Variants in LUZP2 observed in about 807,000 individuals in gnomAD.
LUZP2 encodes the protein leucine zipper protein 2.
Under a neutral mutation model 51.6 loss-of-function variants are expected in LUZP2, and 52 were observed. That is an observed-to-expected ratio of 1.01 (90% confidence interval 0.81 to 1.27). The LOEUF is 1.27. Among genes scored for constraint, LUZP2 ranks in the 50% most tolerant of loss-of-function variants. The probability of loss-of-function intolerance (pLI) is 0.00; values close to 1 mark genes in which losing one functional copy is unlikely to be tolerated. For missense variants in LUZP2, 436 were observed against 395.4 expected (o/e 1.10, Z -0.87); for synonymous variants, 154 against 137.3 (o/e 1.12, Z -0.85).
At chr11:24,804,010 A>G (rs992352067) in intron 5 of LUZP2, among the ~76,000 whole-genome samples, 1 of 151,736 alleles carries the variant, frequency 6.6e-6, no homozygotes, top group African/African-American at 2.4e-5. Flanking sequence ...AAAAAAAAAA[A>G]AAAAACTAGG....
At position 24,805,448 on chromosome 11, in the gene LUZP2, C is replaced by A. The variant is rs1434932125; in HGVS notation, c.396+42140C>A. Among the ~76,000 whole-genome samples, 6 of 152,224 alleles carry A rather than the reference C, an allele frequency of 3.9e-5. No homozygotes were observed. In the East Asian group the frequency reaches 1.2e-3, roughly 29 times the overall value. On this transcript the variant is annotated intron_variant, in intron 5 of 11. Coordinates refer to ENST00000336930, the MANE Select transcript of LUZP2 (RefSeq NM_001009909.4). ...CACGCTGGTCTCAAACTCCTGACAT[C>A]AAGTGATCTGCCTGCCTCAGTCATT...
At chr11:24,719,672 T>C (rs1348869642) in intron 1 of LUZP2, among the ~76,000 whole-genome samples, 1 of 152,224 alleles carries the variant, frequency 6.6e-6, no homozygotes, top group Non-Finnish European at 1.5e-5. Context: ...GCTTTTCCCA[T>C]CAAGAAGTGA....
chr11:24,874,547 C>T (rs778785175), intron 5 of LUZP2, among the ~76,000 whole-genome samples: 63 of 152,060 alleles, frequency 4.1e-4, no homozygotes, highest in South Asian at 4.2e-4. Flanking sequence ...ATGTTGACCT[C>T]GGCCTGTACT....
chr11:24,813,210 C>T (rs1000586287), intron 5 of LUZP2, among the ~76,000 whole-genome samples: 2 of 152,166 alleles, frequency 1.3e-5, no homozygotes, highest in African/African-American at 4.8e-5. Flanking sequence ...CCTCAGTATG[C>T]ACAGAATACA....
intron 5 of LUZP2, among the ~76,000 whole-genome samples, chr11:24,785,321 A>G (rs542526599): frequency 6.6e-6 from 1 of 152,216 alleles, no homozygotes; most frequent in South Asian, 2.1e-4. Flanking sequence ...AGGAAAGAAG[A>G]AACTAACAAT....
At chr11:24,882,116 T>C (rs1389807505) in intron 5 of LUZP2, among the ~76,000 whole-genome samples, 1 of 152,014 alleles carries the variant, frequency 6.6e-6, no homozygotes, top group African/African-American at 2.4e-5. Context: ...AAAAATATTT[T>C]TATTAATACC....
chr11:24,519,907 G>A (rs988002447), intron 1 of LUZP2, among the ~76,000 whole-genome samples: 12 of 152,284 alleles, frequency 7.9e-5, no homozygotes, highest in Admixed American at 5.2e-4. Flanking sequence ...TGACAGCACA[G>A]TACCTTTGTT....
At chr11:24,531,744 G>A (rs2133825492) in intron 1 of LUZP2, among the ~76,000 whole-genome samples, 1 of 150,914 alleles carries the variant, frequency 6.6e-6, no homozygotes, top group African/African-American at 2.4e-5. Flanking sequence ...TCTCAACTTG[G>A]ATGCCCAAGA....
At chr11:24,638,917 GA>G (rs759853122) in intron 1 of LUZP2, among the ~76,000 whole-genome samples, 1 of 150,928 alleles carries the variant, frequency 6.6e-6, no homozygotes, top group African/African-American at 2.4e-5. Flanking sequence ...AATTTTCCCA[GA>G]AAAAAATATT....
chr11:24,536,614 AT>A (rs1851188957), intron 1 of LUZP2, among the ~76,000 whole-genome samples: 1 of 151,848 alleles, frequency 6.6e-6, no homozygotes, highest in South Asian at 2.1e-4. Context: ...TATGGATTAG[AT>A]TTTGATTTAA....
intron 1 of LUZP2, among the ~76,000 whole-genome samples, chr11:24,619,008 ATTTATTTAT>A (rs1333364667): frequency 2.0e-4 from 15 of 76,872 alleles, no homozygotes; most frequent in Admixed American, 7.7e-4. Flanking sequence ...ACTTAGCATT[ATTTATTTAT>A]TTATTTATTT....
chr11:24,622,574 A>G (rs1854536485), intron 1 of LUZP2, among the ~76,000 whole-genome samples: 1 of 152,136 alleles, frequency 6.6e-6, no homozygotes, highest in South Asian at 2.1e-4. Flanking sequence ...TATCACAATG[A>G]TAATCTCAGG....
At chr11:24,554,490 A>T (rs555839681) in intron 1 of LUZP2, among the ~76,000 whole-genome samples, 1 of 152,058 alleles carries the variant, frequency 6.6e-6, no homozygotes, top group African/African-American at 2.4e-5. Context: ...AAGAAAGTTA[A>T]TTTTTTGCCA....
At chr11:25,054,472 T>A (rs1323511496) in intron 10 of LUZP2, among the ~76,000 whole-genome samples, 3 of 152,186 alleles carry the variant, frequency 2.0e-5, no homozygotes, top group Non-Finnish European at 4.4e-5. Flanking sequence ...TAGATCAATA[T>A]TCTTCAATTT....
rs560478157 is a variant in LUZP2 at position 24,908,678 on chromosome 11, T to A, written c.459+2625T>A. On this transcript the variant is annotated intron_variant, in intron 6 of 11. Coordinates refer to ENST00000336930, the MANE Select transcript of LUZP2 (RefSeq NM_001009909.4). ...TATTATAAAAAAGAGATGTACCCAC[T>A]CAGAATGCATTTATTCTTTGCATAA... Among the ~76,000 whole-genome samples, 5 of 152,216 alleles carry A rather than the reference T, an allele frequency of 3.3e-5. No homozygotes were observed. In the South Asian group the frequency reaches 1.0e-3, roughly 32 times the overall value.
chr11:24,813,631 C>G (rs1242170029), intron 5 of LUZP2, among the ~76,000 whole-genome samples: 1 of 152,174 alleles, frequency 6.6e-6, no homozygotes, highest in African/African-American at 2.4e-5. Context: ...GGATCCATCC[C>G]CATGATCCAA....
intron 5 of LUZP2, among the ~76,000 whole-genome samples, chr11:24,901,201 T>C (rs530021734): frequency 1.3e-5 from 2 of 152,270 alleles, no homozygotes; most frequent in South Asian, 2.1e-4. Context: ...TCTAGTCATC[T>C]AGTTGTTTAT....
intron 1 of LUZP2, among the ~76,000 whole-genome samples, chr11:24,519,017 T>C (rs1279347282): frequency 6.6e-6 from 1 of 152,140 alleles, no homozygotes; most frequent in Admixed American, 6.5e-5. Flanking sequence ...AGTCCCAAGT[T>C]AGGTAGACGT....
intron 5 of LUZP2, among the ~76,000 whole-genome samples, chr11:24,842,170 A>G (rs938019706): frequency 6.7e-6 from 1 of 150,290 alleles, no homozygotes; most frequent in Non-Finnish European, 1.5e-5. Flanking sequence ...AAAAATTATT[A>G]ACACAGAGGG....
Sources: gnomAD v4.1 joint callset for allele counts (sites outside exome capture counted in the v4.1 genomes callset) on GRCh38, gnomAD v4.1.1 for gene constraint, MANE v1.5 for transcripts, NCBI Gene and HGNC (gene_info 2026-07-23, HGNC 2026-07-21) for gene names.